Variants in SLC22A15 observed in about 807,000 individuals in gnomAD.
The protein encoded by SLC22A15 is flipt 1.
In SLC22A15, 45 loss-of-function variants were observed where a neutral mutation model predicts 62.7. The ratio of observed to expected loss-of-function variants is 0.72; its 90% CI spans 0.56 to 0.92. The LOEUF is 0.92. Among genes scored for constraint, SLC22A15 ranks in the 40% least tolerant of loss-of-function variants. The pLI is 0.00. For synonymous variants in SLC22A15, 264 were observed against 267.0 expected, an observed-to-expected ratio of 0.99 and a Z score of 0.11; for missense variants, 622 against 665.6, an observed-to-expected ratio of 0.93 and a Z score of 0.72.
chr1:116,034,990 C>A (rs1657578706), intron 6 of SLC22A15, among the ~76,000 whole-genome samples, 197 bp from the exon 7 acceptor site: 1 of 152,162 alleles, frequency 6.6e-6, no homozygotes, highest in Admixed American at 6.5e-5. Flanking sequence ...TCCAAACCCC[C>A]ATAATTTTTT....
chr1:115,983,627 T>C (rs553344709), intron 1 of SLC22A15, among the ~76,000 whole-genome samples: 24 of 152,308 alleles, frequency 1.6e-4, no homozygotes, highest in African/African-American at 5.3e-4. Flanking sequence ...GAAGGGAAGA[T>C]ATGATCTGGA....
At chr1:116,001,454 G>A (rs1190833357) in intron 2 of SLC22A15, among the ~76,000 whole-genome samples, 6 of 151,970 alleles carry the variant, frequency 3.9e-5, no homozygotes, top group Non-Finnish European at 7.4e-5. Context: ...TCCTCTTTAA[G>A]GGAAATAACT....
intron 10 of SLC22A15, among the ~76,000 whole-genome samples, chr1:116,064,787 A>AATAC (rs1658459301): frequency 6.6e-6 from 1 of 152,110 alleles, no homozygotes; most frequent in Non-Finnish European, 1.5e-5. Flanking sequence ...TTAGTCAACT[A>AATAC]ATAAGTATGT....
chr1:115,982,323 C>T (rs1427989455), intron 1 of SLC22A15, among the ~76,000 whole-genome samples: 2 of 152,176 alleles, frequency 1.3e-5, no homozygotes, highest in Non-Finnish European at 2.9e-5. Context: ...ATACAAATCA[C>T]TAGTGATTCT....
intron 8 of SLC22A15, 93 bp downstream of exon 8, chr1:116,037,481 A>T (rs1188049979): frequency 1.6e-5 from 14 of 900,166 alleles, no homozygotes; most frequent in Non-Finnish European, 2.5e-5. Context: ...GGCATGCTTC[A>T]TTTCTGTGAT....
chr1:115,998,768 T>C (rs1016579261), intron 2 of SLC22A15, among the ~76,000 whole-genome samples: 3 of 152,112 alleles, frequency 2.0e-5, no homozygotes, highest in Non-Finnish European at 4.4e-5. Context: ...TTTTTTAAAA[T>C]TTCAATTTCA....
chr1:116,062,616 A>G, intron 8 of SLC22A15, 146 bp from the exon 9 acceptor site: 2 of 887,642 alleles, frequency 2.3e-6, no homozygotes, highest in Non-Finnish European at 3.5e-6. Flanking sequence ...GTGATTACTA[A>G]ACCTTCTGAA....
intron 2 of SLC22A15, among the ~76,000 whole-genome samples, chr1:116,014,567 C>T (rs1656432242): frequency 6.6e-6 from 1 of 152,108 alleles, no homozygotes; most frequent in Non-Finnish European, 1.5e-5. Flanking sequence ...AAGTAGATTT[C>T]CTGCTTTTTC....
At chr1:116,061,543 G>A (rs1162444225) in intron 8 of SLC22A15, among the ~76,000 whole-genome samples, 1 of 152,024 alleles carries the variant, frequency 6.6e-6, no homozygotes, top group Non-Finnish European at 1.5e-5. Flanking sequence ...AAAATGGAGT[G>A]GTGGTCATTC....
intron 8 of SLC22A15, among the ~76,000 whole-genome samples, chr1:116,039,286 C>A (rs1657718990): frequency 6.6e-6 from 1 of 152,158 alleles, no homozygotes. Context: ...GTAATCCCAG[C>A]ACTTTGGAGG....
At chr1:116,016,366 AC>A (rs780212696) in intron 2 of SLC22A15, among the ~76,000 whole-genome samples, 7 of 151,544 alleles carry the variant, frequency 4.6e-5, no homozygotes, top group Non-Finnish European at 1.0e-4. Flanking sequence ...AGCTGGGACT[AC>A]AGGTGTGCAC....
intron 2 of SLC22A15, among the ~76,000 whole-genome samples, chr1:115,993,928 C>A (rs764181334): frequency 6.6e-6 from 1 of 152,254 alleles, no homozygotes; most frequent in East Asian, 1.9e-4. Flanking sequence ...AAGCCCTCAC[C>A]GCTTGCCCTG....
chr1:116,044,066 G>A (rs1380095069), intron 8 of SLC22A15, among the ~76,000 whole-genome samples: 5 of 152,092 alleles, frequency 3.3e-5, no homozygotes, highest in Non-Finnish European at 4.4e-5. Flanking sequence ...AGAAAATAAA[G>A]AGGAGAGAAT....
intron 1 of SLC22A15, among the ~76,000 whole-genome samples, chr1:115,988,857 C>T (rs1398954534): frequency 6.6e-6 from 1 of 152,066 alleles, no homozygotes; most frequent in East Asian, 1.9e-4. Context: ...AATCTGAATG[C>T]AGTGTTTAAG....
intron 2 of SLC22A15, among the ~76,000 whole-genome samples, chr1:115,995,482 C>T (rs557666765): frequency 4.9e-4 from 74 of 152,190 alleles, no homozygotes; most frequent in Non-Finnish European, 8.7e-4. Flanking sequence ...AACTCCTGAC[C>T]GCAGGTGATC....
chr1:116,056,162 G>C (rs1359239566), intron 8 of SLC22A15, among the ~76,000 whole-genome samples: 1 of 152,062 alleles, frequency 6.6e-6, no homozygotes, highest in African/African-American at 2.4e-5. Context: ...AAATCCCATT[G>C]TCTCAGCCCA....
intron 8 of SLC22A15, among the ~76,000 whole-genome samples, chr1:116,050,709 G>T (rs1658030200): frequency 6.6e-6 from 1 of 152,124 alleles, no homozygotes; most frequent in South Asian, 2.1e-4. Context: ...CATAGTACTG[G>T]AAGTCCTAAC....
intron 8 of SLC22A15, among the ~76,000 whole-genome samples, chr1:116,057,049 G>A (rs1367710383): frequency 5.3e-5 from 8 of 152,058 alleles, no homozygotes; most frequent in Middle Eastern, 3.4e-3. Flanking sequence ...AGCCAAAATT[G>A]ACAAATGGGA....
At chr1:116,018,212 C>T (rs1163960239) in intron 2 of SLC22A15, among the ~76,000 whole-genome samples, 1 of 152,172 alleles carries the variant, frequency 6.6e-6, no homozygotes, top group African/African-American at 2.4e-5. Flanking sequence ...ATTCTATTTT[C>T]TGCCTCTATG....
Sources: gnomAD v4.1 joint callset for allele counts (sites outside exome capture counted in the v4.1 genomes callset) on GRCh38, gnomAD v4.1.1 for gene constraint, MANE v1.5 for transcripts, NCBI Gene and HGNC (gene_info 2026-07-23, HGNC 2026-07-21) for gene names.